The following ABL1 variants were observed in gnomAD, a reference collection of about 807,000 sequenced individuals.
ABL1 encodes the protein ABL proto-oncogene 1, non-receptor tyrosine kinase, also known as tyrosine-protein kinase ABL1.
A neutral mutation model predicts 94.7 loss-of-function variants in ABL1; 11 were observed. That is an observed-to-expected ratio of 0.12 (90% CI 0.07 to 0.19). The LOEUF is 0.19. Among genes scored for constraint, ABL1 ranks in the 10% least tolerant of loss-of-function variants. The pLI, the probability that ABL1 is intolerant of heterozygous loss-of-function variation, is 1.00. For missense variants in ABL1, 1,082 were observed against 1,489.4 expected (o/e 0.73, Z 4.50); for synonymous variants, 656 against 622.4 (o/e 1.05, Z -0.80).
intron 3 of ABL1, among the ~76,000 whole-genome samples, chr9:130,858,083 T>G (rs1019015807): frequency 6.6e-5 from 10 of 151,868 alleles, no homozygotes; most frequent in African/African-American, 2.4e-4. Context: ...CAAGTCATGC[T>G]GCACCGAGAT....
chr9:130,875,670 ATGGG>A (rs1228407556), intron 7 of ABL1, among the ~76,000 whole-genome samples: 3 of 152,176 alleles, frequency 2.0e-5, no homozygotes, highest in Non-Finnish European at 4.4e-5. Context: ...ATTCCTAGTA[ATGGG>A]TGGCTGGATC....
chr9:130,877,649 T>C (rs1273919310), intron 7 of ABL1, among the ~76,000 whole-genome samples: 1 of 146,884 alleles, frequency 6.8e-6, no homozygotes, highest in African/African-American at 2.6e-5. Flanking sequence ...CTTTTTTTTT[T>C]TTTATTTTTG....
At position 130,736,195 on chromosome 9, in the gene ABL1, C is replaced by T. The variant is rs1399028666; in HGVS notation, c.136+21740C>T. On this transcript the variant is annotated intron_variant, in intron 1 of 10. Transcript: ENST00000372348. ...GGTCTTAAACTCCTGGGCTCAAGTG[C>T]CTCCTTGGCCTTCCAGAGTGTTGGG... is the stretch of plus-strand genomic sequence containing the variant. Among the ~76,000 whole-genome samples, 3 of 151,760 alleles carry T rather than the reference C, an allele frequency of 2.0e-5. 1 individual carries two copies. The highest frequency in any genetic ancestry group is 4.8e-5 in the African/African-American group (2 of 41,274).
chr9:130,782,936 G>T (rs1010506651), intron 1 of ABL1, among the ~76,000 whole-genome samples: 1 of 152,142 alleles, frequency 6.6e-6, no homozygotes, highest in African/African-American at 2.4e-5. Flanking sequence ...CTTAACACTT[G>T]CTATCTCTCT....
At chr9:130,816,264 C>T (rs1382476776) in intron 1 of ABL1, among the ~76,000 whole-genome samples, 2 of 152,194 alleles carry the variant, frequency 1.3e-5, no homozygotes, top group South Asian at 2.1e-4. Flanking sequence ...GTTCACTCTT[C>T]ACCTCCTTTG....
chr9:130,864,550 CT>C (rs1157919809), intron 4 of ABL1, among the ~76,000 whole-genome samples: 1 of 152,138 alleles, frequency 6.6e-6, no homozygotes, highest in East Asian at 1.9e-4. Context: ...CGGCCCTGGA[CT>C]TTTTCTTAAT....
At chr9:130,746,539 CT>C (rs1302122694) in intron 1 of ABL1, among the ~76,000 whole-genome samples, 1 of 150,520 alleles carries the variant, frequency 6.6e-6, no homozygotes, top group Admixed American at 6.7e-5. Context: ...AGTATGTAAC[CT>C]TTTGAGATTG....
chr9:130,878,874 A>AT (rs943552961), intron 8 of ABL1, among the ~76,000 whole-genome samples: 13,311 of 127,276 alleles, frequency 0.1, 1,282 homozygotes, highest in African/African-American at 0.23. Flanking sequence ...TCATGAGGTG[A>AT]TTTTTTTTTT....
chr9:130,757,787 C>T (rs1023848637), intron 1 of ABL1, among the ~76,000 whole-genome samples: 7 of 151,932 alleles, frequency 4.6e-5, no homozygotes, highest in Admixed American at 2.6e-4. Flanking sequence ...GTGATTTACC[C>T]GCCTCGGCCT....
rs964586142 is a variant in ABL1, at chr9:130,862,754, T to A, written c.550-9T>A. On this transcript the variant is annotated splice_polypyrimidine_tract_variant and intron_variant, in intron 3 of 10. Coordinates refer to ENST00000318560, the MANE Select transcript of ABL1 (RefSeq NM_005157.6). This position sits in a 1 kb window ranked among gnomAD's most constrained non-coding sequence, Gnocchi z 5.5. ...CTGTGGGCTGAAGGCTGTTCCCTGT[T>A]TCCTTCAGCTCTACGTCTCCTCCGA... 8.1e-6 allele frequency: 13 copies of A among 1,612,232 alleles called. No individual in the cohort carries two copies. Among genetic ancestry groups the A allele is most frequent in the East Asian group, 2.2e-5 (1 of 44,870 alleles).
chr9:130,743,118 G>A (rs1283125589), intron 1 of ABL1, among the ~76,000 whole-genome samples: 1 of 152,160 alleles, frequency 6.6e-6, no homozygotes, highest in Non-Finnish European at 1.5e-5. Flanking sequence ...TGTTGCCCAG[G>A]CTAGAGTGCA....
intron 1 of ABL1, among the ~76,000 whole-genome samples, chr9:130,780,148 G>A (rs551680101): frequency 1.3e-5 from 2 of 152,214 alleles, no homozygotes; most frequent in African/African-American, 4.8e-5. Context: ...TACTCCGGGC[G>A]CAGTGGCAGG....
At chr9:130,734,500 C>G (rs1265325762) in intron 1 of ABL1, among the ~76,000 whole-genome samples, 2 of 149,378 alleles carry the variant, frequency 1.3e-5, no homozygotes, top group African/African-American at 4.9e-5. Context: ...CAGGTGTGAG[C>G]CACTGCGCCT....
At chr9:130,722,157 C>T (rs1423709326) in intron 1 of ABL1, among the ~76,000 whole-genome samples, 1 of 151,982 alleles carries the variant, frequency 6.6e-6, no homozygotes, top group Non-Finnish European at 1.5e-5. Context: ...CTTTGGGAGG[C>T]TGAGGCGGGT....
At chr9:130,726,920 A>G (rs924687419) in intron 1 of ABL1, among the ~76,000 whole-genome samples, 1 of 152,232 alleles carries the variant, frequency 6.6e-6, no homozygotes. Flanking sequence ...AGTTCATCAC[A>G]TAAGTTTTCA....
chr9:130,724,085 C>G (rs769933365), intron 1 of ABL1, among the ~76,000 whole-genome samples: 5 of 152,034 alleles, frequency 3.3e-5, no homozygotes, highest in Admixed American at 6.6e-5. Flanking sequence ...GCTGGGATTA[C>G]AGGCGTGAGC....
chr9:130,749,541 G>C (rs1228964787), intron 1 of ABL1, among the ~76,000 whole-genome samples: 1 of 152,134 alleles, frequency 6.6e-6, no homozygotes, highest in Non-Finnish European at 1.5e-5. Context: ...ATGTTGACTT[G>C]ATCAAACATT....
At chr9:130,714,338 A>G (rs1158910186) in exon 1 of ABL1, 1 of 1,610,694 alleles carries the variant, frequency 6.2e-7, no homozygotes, top group Non-Finnish European at 8.5e-7. Flanking sequence ...GCAGCCTGGA[A>G]AAGTACTTGG....
At chr9:130,781,661 A>T (rs1341230023) in intron 1 of ABL1, among the ~76,000 whole-genome samples, 1 of 152,208 alleles carries the variant, frequency 6.6e-6, no homozygotes, top group Non-Finnish European at 1.5e-5. Context: ...TATGTCTTTT[A>T]TATTACCAGA....
Sources: allele counts gnomAD v4.1 joint callset (sites outside exome capture counted in the v4.1 genomes callset), GRCh38; gene constraint gnomAD v4.1.1; non-coding constraint Gnocchi (gnomAD v3.1); transcripts MANE v1.5; gene names NCBI Gene and HGNC (gene_info 2026-07-23, HGNC 2026-07-21).